Variants in COBLL1 observed in about 807,000 individuals in gnomAD.
COBLL1 encodes cordon-bleu protein-like 1.
In COBLL1, 50 loss-of-function variants were observed where a neutral mutation model predicts 94.8. That is an observed-to-expected ratio of 0.53 (90% CI 0.42 to 0.67). The LOEUF (loss-of-function observed/expected upper bound fraction) is 0.67. Ranked by LOEUF, COBLL1 falls within the 30% of genes least tolerant of loss-of-function variation. The pLI is 0.00. For missense variants in COBLL1, 1,362 were observed against 1,348.7 expected, an observed-to-expected ratio of 1.01 and a Z score of -0.15; for synonymous variants, 448 against 473.8, an observed-to-expected ratio of 0.95 and a Z score of 0.71.
intron 2 of COBLL1, among the ~76,000 whole-genome samples, chr2:164,756,294 G>T (rs1300427600): frequency 6.6e-6 from 1 of 152,118 alleles, no homozygotes; most frequent in Admixed American, 6.5e-5. Context: ...GTGAGGAAAA[G>T]TTTAATATTC....
chr2:164,703,011 A>G (rs570413789), intron 9 of COBLL1: 1 of 684,912 alleles, frequency 1.5e-6, no homozygotes, highest in Non-Finnish European at 2.5e-6. Context: ...AAATATGTTT[A>G]CACAAGGTTT....
downstream of COBLL1, among the ~76,000 whole-genome samples, chr2:164,679,077 G>A (rs532918706): frequency 3.3e-5 from 5 of 152,008 alleles, no homozygotes; most frequent in Non-Finnish European, 7.4e-5. Flanking sequence ...TCATGTCTTC[G>A]CAGCCTCTAG....
intron 2 of COBLL1, among the ~76,000 whole-genome samples, chr2:164,785,399 G>C (rs1163809649): frequency 6.6e-6 from 1 of 152,138 alleles, no homozygotes; most frequent in Non-Finnish European, 1.5e-5. Context: ...GATGGTCCCA[G>C]ATAGTCACAC....
chr2:164,805,335 C>CTATA lies in COBLL1; in HGVS notation c.41+35820_41+35821insTATA, dbSNP rs1268003621. Among the ~76,000 whole-genome samples the CTATA allele has an allele frequency of 7.3e-3, 145 of 19,826 alleles. 2 individuals carry two copies. Among genetic ancestry groups the CTATA allele is most frequent in the Non-Finnish European group, 0.011 (116 of 10,944 alleles). The allele number at this position is 19,826 out of a possible 152,430, so 13.0% of individuals were successfully genotyped here. On this transcript the variant is annotated intron_variant, in intron 2 of 13. Coordinates refer to ENST00000652658, the MANE Select transcript of COBLL1 (RefSeq NM_001365672.2). Reference sequence around the variant, plus strand: ...TCTCTCTCTCTCTCTCTCTCTCTCTCTCTATATATATATATATATATATAT... The same window carrying CTATA: ...TCTCTCTCTCTCTCTCTCTCTCTCTCTATATCTATATATATATATATATATATAT...
rs1558921997 is a variant in COBLL1 at position 164,692,249 on chromosome 2, GA to G, written c.3271del (p.Ser1091ArgfsTer8). ...TTTCAATTTGGCAGCAGCCTCTCCCGAACGGATTGCAGTCAGCAAACTCTGT... is the reference window on the plus strand; with the variant it reads ...TTTCAATTTGGCAGCAGCCTCTCCCGACGGATTGCAGTCAGCAAACTCTGT... ...MRQSLLTAIR[S>X]GEAAAKLKRV... On this transcript the variant is annotated frameshift_variant, in exon 13 of 14. Transcript: ENST00000652658. LOFTEE classifies it high-confidence loss of function. 1 of 1,611,358 alleles carries G rather than the reference GA, an allele frequency of 6.2e-7. No homozygotes were observed. Among genetic ancestry groups the G allele is most frequent in the South Asian group, 1.1e-5 (1 of 90,474 alleles).
chr2:164,829,514 AT>A (rs1319969303), intron 2 of COBLL1, among the ~76,000 whole-genome samples: 2 of 152,204 alleles, frequency 1.3e-5, no homozygotes, highest in Non-Finnish European at 2.9e-5. Flanking sequence ...AAGCAAAAAA[AT>A]AAAAATAAAA....
chr2:164,822,787 G>A (rs1321602856), intron 2 of COBLL1, among the ~76,000 whole-genome samples: 5 of 143,120 alleles, frequency 3.5e-5, no homozygotes, highest in Non-Finnish European at 7.6e-5. Flanking sequence ...TATTATTTTG[G>A]AGACAGAGTC....
intron 11 of COBLL1, chr2:164,696,105 A>G: frequency 3.1e-6 from 1 of 319,394 alleles, no homozygotes; most frequent in Non-Finnish European, 5.7e-6. Context: ...TCAGACATAA[A>G]AAGGTGAAAA....
At chr2:164,693,163 T>C (rs922495623) in intron 12 of COBLL1, among the ~76,000 whole-genome samples, 1 of 152,184 alleles carries the variant, frequency 6.6e-6, no homozygotes, top group Non-Finnish European at 1.5e-5. Flanking sequence ...TTAAAAGCTT[T>C]ATTATCTAAA....
intron 2 of COBLL1, among the ~76,000 whole-genome samples, chr2:164,660,839 T>TA (rs976495533): frequency 5.3e-5 from 8 of 152,194 alleles, no homozygotes; most frequent in Non-Finnish European, 1.0e-4. Context: ...AGTGTGCATA[T>TA]AAAACATTAC....
intron 2 of COBLL1, among the ~76,000 whole-genome samples, chr2:164,660,122 G>C (rs1331632460): frequency 4.6e-5 from 7 of 152,140 alleles, no homozygotes; most frequent in Non-Finnish European, 1.0e-4. Context: ...TGGGATGCAA[G>C]CCTTTGAGAT....
intron 2 of COBLL1, among the ~76,000 whole-genome samples, chr2:164,753,816 A>G (rs1355802808): frequency 6.7e-6 from 1 of 148,582 alleles, no homozygotes; most frequent in Non-Finnish European, 1.5e-5. Context: ...ATCTCAGCTC[A>G]CTGCAACCTC....
chr2:164,782,410 C>CACCT (rs1297183654), intron 2 of COBLL1, among the ~76,000 whole-genome samples: 20 of 152,066 alleles, frequency 1.3e-4, no homozygotes, highest in Admixed American at 1.2e-3. Flanking sequence ...TATTTTATAT[C>CACCT]AACTGAGCAA....
Position 164,841,763 on chromosome 2 carries a change from C to T in COBLL1, c.-104G>A, listed in dbSNP as rs1463229448. On this transcript the variant is annotated 5_prime_UTR_variant, in exon 1 of 14. Coordinates refer to ENST00000652658, the MANE Select transcript of COBLL1 (RefSeq NM_001365672.2). The surrounding 1 kb of genome is among the most constrained non-coding windows in gnomAD (Gnocchi z 5.5). The stretch of plus-strand genomic sequence containing the variant: ...CCTGTTCTCCCTCGCGGCTTCCTCT[C>T]CTACTCTTCCCTTCCCCGGCCCGCG... 1 of 554,386 alleles carries T rather than the reference C, an allele frequency of 1.8e-6. No individual in the cohort carries two copies. Among genetic ancestry groups the T allele is most frequent in the East Asian group, 3.3e-5 (1 of 30,276 alleles). The allele number at this position is 554,386 out of a possible 1,614,324, so 34.3% of individuals were successfully genotyped here.
chr2:164,804,320 G>T (rs1199099828), intron 2 of COBLL1, among the ~76,000 whole-genome samples: 2 of 151,962 alleles, frequency 1.3e-5, no homozygotes, highest in Admixed American at 1.3e-4. Context: ...AAAAGAAAAA[G>T]AATTAACACA....
At chr2:164,826,879 T>A (rs997939995) in intron 2 of COBLL1, among the ~76,000 whole-genome samples, 1 of 128,054 alleles carries the variant, frequency 7.8e-6, no homozygotes, top group African/African-American at 3.4e-5. Context: ...TTCTTTAAAG[T>A]TTTTTGTCTT....
intron 2 of COBLL1, among the ~76,000 whole-genome samples, chr2:164,790,812 A>G (rs1683151565): frequency 6.6e-6 from 1 of 152,234 alleles, no homozygotes. Flanking sequence ...AACATGGTTT[A>G]CATAATACAC....
At chr2:164,788,873 G>C (rs1193132116) in intron 2 of COBLL1, among the ~76,000 whole-genome samples, 4 of 149,364 alleles carry the variant, frequency 2.7e-5, no homozygotes, top group African/African-American at 9.9e-5. Flanking sequence ...AGAATAAAAA[G>C]TTCAAGAGAT....
At chr2:164,735,362 A>G (rs1686244224) in intron 3 of COBLL1, among the ~76,000 whole-genome samples, 1 of 152,236 alleles carries the variant, frequency 6.6e-6, no homozygotes, top group South Asian at 2.1e-4. Context: ...TGTTTTGCCT[A>G]AGCCATACCA....
Sources: gnomAD v4.1 joint callset for allele counts (sites outside exome capture counted in the v4.1 genomes callset) on GRCh38, gnomAD v4.1.1 for gene constraint, Gnocchi (gnomAD v3.1) non-coding constraint, MANE v1.5 for transcripts, NCBI Gene and HGNC (gene_info 2026-07-23, HGNC 2026-07-21) for gene names.